Variants in PLA2G4F observed in about 807,000 individuals in gnomAD.
PLA2G4F encodes the protein phospholipase A2 group IVF, also known as cytosolic phospholipase A2 zeta.
A neutral mutation model predicts 103.1 loss-of-function variants in PLA2G4F; 105 were observed. The ratio of observed to expected loss-of-function variants is 1.02; its 90% CI spans 0.87 to 1.20. The LOEUF (loss-of-function observed/expected upper bound fraction) is 1.20, where lower values mean the gene tolerates loss of function less well. PLA2G4F is among the 50% of genes most tolerant of loss of function. The probability of loss-of-function intolerance (pLI) is 0.00; values close to 1 mark genes in which losing one functional copy is unlikely to be tolerated. For synonymous variants in PLA2G4F, 468 were observed against 441.1 expected (o/e 1.06, Z -0.76); for missense variants, 1,155 against 1,075.9 (o/e 1.07, Z -1.03).
chr15:42,142,824 G>C, intron 18 of PLA2G4F, 110 bp from the exon 19 acceptor site: 1 of 1,170,026 alleles, frequency 8.5e-7, no homozygotes, highest in Non-Finnish European at 1.2e-6. Flanking sequence ...CTGACTAGCT[G>C]AGTGACTTCA....
chr15:42,146,012 G>A (rs2048881059), intron 14 of PLA2G4F, 109 bp from the exon 15 acceptor site: 8 of 1,581,726 alleles, frequency 5.1e-6, no homozygotes, highest in Admixed American at 1.7e-5. Flanking sequence ...CAGCCCCGCT[G>A]TGCTCCAAGG....
intron 13 of PLA2G4F, 149 bp from the exon 14 acceptor site, chr15:42,146,390 G>A (rs1019305585): frequency 1.1e-5 from 8 of 722,024 alleles, no homozygotes; most frequent in Non-Finnish European, 1.8e-5. Flanking sequence ...AGCCCTCTGA[G>A]GGACAGGCTT....
In PLA2G4F at chr15:42,147,683, T is replaced by C; in HGVS notation, c.1139A>G (p.Gln380Arg). Residue 380 changes from glutamine (Q) to arginine (R), a missense_variant, in exon 12 of 20, where the codon CAG becomes CGG. Gln to Arg is a conservative substitution (Grantham distance 43). Around this residue, in one of 3 missense-constraint regions of PLA2G4F, gnomAD observed 782 missense variants for 692.9 expected, o/e 1.13. Coordinates refer to ENST00000397272, the MANE Select transcript of PLA2G4F (RefSeq NM_213600.4). ...SSLYGSLAGL[Q>R]ELGLLDTVTY... is the part of the protein sequence containing the mutation. Reference sequence around the variant, plus strand: ...CACAGTGTCTAGAAGGCCGAGCTCCTGCAACCCTGCCAGGCTGCCGTACAG... The same window carrying C: ...CACAGTGTCTAGAAGGCCGAGCTCCCGCAACCCTGCCAGGCTGCCGTACAG... 6.2e-7 allele frequency: 1 copy of C among 1,614,092 alleles called. No individual in the cohort carries two copies. The highest frequency in any genetic ancestry group is 8.5e-7 in the Non-Finnish European group (1 of 1,179,994).
At position 42,151,434 on chromosome 15, in the gene PLA2G4F, A is replaced by G. The variant is rs558341069; in HGVS notation, c.602-657T>C. On this transcript the variant is annotated intron_variant, in intron 7 of 19. Coordinates refer to ENST00000397272, the MANE Select transcript of PLA2G4F (RefSeq NM_213600.4). ...CCAGCTTCCCAGCAGCTTTCTGGGG[A>G]GGAGGCCAGACCCCAGGGAGAAATG... 1.3e-5 allele frequency: 13 copies of G among 985,206 alleles called. No individual in the cohort carries two copies. The East Asian group carries it at 1.5e-3, about 112-fold the overall frequency. The allele number at this position is 985,206 out of a possible 1,614,324, so 61.0% of individuals were successfully genotyped here. A position where few individuals can be genotyped will look rare whatever the true frequency, so the allele number is the denominator to read the frequency against.
Position 42,145,568 on chromosome 15 carries a change from C to A in PLA2G4F, c.1780+7G>T. The A allele has an allele frequency of 1.2e-6, 2 of 1,613,384 alleles. No individual in the cohort carries two copies. The highest frequency in any genetic ancestry group is 1.7e-6 in the Non-Finnish European group (2 of 1,179,426). On this transcript the variant is annotated splice_region_variant and intron_variant, in intron 16 of 19. Transcript: ENST00000397272. The stretch of plus-strand genomic sequence containing the variant: ...GTGTGGGAGGGGCTCGGGGTCGCTA[C>A]CCTCACCTGTGATATTCACACTGCC...
At chr15:42,154,483 G>T in intron 2 of PLA2G4F, 25 bp from the exon 3 acceptor site, 1 of 1,532,858 alleles carries the variant, frequency 6.5e-7, no homozygotes, top group Non-Finnish European at 8.8e-7. Flanking sequence ...GGGAGGGGCC[G>T]GGGCCTCAAG....
chr15:42,148,387 A>G (rs2048916560), intron 11 of PLA2G4F, among the ~76,000 whole-genome samples: 1 of 152,158 alleles, frequency 6.6e-6, no homozygotes, highest in Admixed American at 6.5e-5. Context: ...CAGCTACAGC[A>G]GGTTCCTCTC....
In PLA2G4F at chr15:42,147,771, A is replaced by T. The variant is rs1165711998; in HGVS notation, c.1060-9T>A. On this transcript the variant is annotated splice_polypyrimidine_tract_variant and intron_variant, in intron 11 of 19. Coordinates refer to ENST00000397272, the MANE Select transcript of PLA2G4F (RefSeq NM_213600.4). ...ACAGCCACTACAGGCACCTGGGTAC[A>T]ATAATAACAAGGATAACGACTCCGA... The T allele has an allele frequency of 1.2e-6, 2 of 1,613,530 alleles. No individual in the cohort carries two copies. The highest frequency in any genetic ancestry group is 2.2e-5 in the South Asian group (2 of 91,064).
intron 16 of PLA2G4F, 104 bp from the exon 17 acceptor site, chr15:42,144,748 C>T (rs1358283166): frequency 2.5e-6 from 3 of 1,185,234 alleles, no homozygotes; most frequent in Non-Finnish European, 3.4e-6. Context: ...GAGCCCTCCC[C>T]ACATCCCTCC....
At chr15:42,147,393 A>G in intron 12 of PLA2G4F, 47 bp from the exon 13 acceptor site, 2 of 1,553,068 alleles carry the variant, frequency 1.3e-6, no homozygotes, top group South Asian at 1.1e-5. Context: ...GAGCACAGCC[A>G]CGGGAGAGAG....
At chr15:42,143,734 G>A (rs530685267) in intron 18 of PLA2G4F, among the ~76,000 whole-genome samples, 1 of 152,236 alleles carries the variant, frequency 6.6e-6, no homozygotes, top group African/African-American at 2.4e-5. Flanking sequence ...ACCCTCTTTG[G>A]CCTCCTCTTC....
chr15:42,149,874 G>T, intron 10 of PLA2G4F, 26 bp from the exon 11 acceptor site: 1 of 1,611,532 alleles, frequency 6.2e-7, no homozygotes, highest in South Asian at 1.1e-5. Flanking sequence ...TGGGGTGGCG[G>T]TGGGGGGTTC....
intron 13 of PLA2G4F, chr15:42,146,720 G>A: frequency 4.4e-6 from 1 of 228,020 alleles, no homozygotes; most frequent in Non-Finnish European, 8.7e-6. Flanking sequence ...GGAGCAGCCA[G>A]GCGGAGTGAG....
intron 8 of PLA2G4F, 39 bp downstream of exon 8, chr15:42,150,569 C>A: frequency 6.3e-7 from 1 of 1,596,664 alleles, no homozygotes; most frequent in Non-Finnish European, 8.5e-7. Flanking sequence ...CCAGTCTGGG[C>A]TGAGTTGGAT....
At chr15:42,152,793 C>A in intron 6 of PLA2G4F, 39 bp from the exon 7 acceptor site, 1 of 1,537,982 alleles carries the variant, frequency 6.5e-7, no homozygotes, top group East Asian at 2.5e-5. Context: ...AGACAGCCCA[C>A]GGCCCCAGCC....
intron 11 of PLA2G4F, chr15:42,147,967 G>C (rs80168211): frequency 0.13 from 42,173 of 317,864 alleles, 4,196 homozygotes; most frequent in Admixed American, 0.31. Flanking sequence ...GAGGCGGGCG[G>C]ATCATGAGGT....
intron 11 of PLA2G4F, chr15:42,149,430 A>G (rs911777103): frequency 1.1e-6 from 1 of 926,226 alleles, no homozygotes; most frequent in Non-Finnish European, 1.3e-6. Context: ...TGACACCTTC[A>G]TCTCGGACTT....
intron 2 of PLA2G4F, among the ~76,000 whole-genome samples, chr15:42,155,196 G>A (rs1033076636): frequency 6.6e-6 from 1 of 150,734 alleles, no homozygotes; most frequent in Non-Finnish European, 1.5e-5. Context: ...CACACTCGCA[G>A]TCACATTTGC....
chr15:42,154,010 C>A (rs678778), intron 4 of PLA2G4F, 82 bp downstream of exon 4: 7 of 1,589,642 alleles, frequency 4.4e-6, no homozygotes, highest in Non-Finnish European at 5.1e-6. Flanking sequence ...TGGCCTGTGC[C>A]GACCAGAGCC....
Sources: gnomAD v4.1 joint callset for allele counts (sites outside exome capture counted in the v4.1 genomes callset) on GRCh38, gnomAD v4.1.1 for gene constraint, gnomAD v4.1.1 regional missense constraint, MANE v1.5 for transcripts, NCBI Gene and HGNC (gene_info 2026-07-23, HGNC 2026-07-21) for gene names.